The following CREBL2 variants were observed in gnomAD, a reference collection of about 807,000 sequenced individuals.
CREBL2 encodes the protein cAMP-responsive element-binding protein-like 2.
Under a neutral mutation model 19.5 loss-of-function variants are expected in CREBL2, and 4 were observed. The observed-to-expected ratio is 0.20, with a 90% confidence interval of 0.10 to 0.47. CREBL2 has a LOEUF of 0.47. Among genes scored for constraint, CREBL2 ranks in the 20% least tolerant of loss-of-function variants. The probability of loss-of-function intolerance (pLI) is 0.98; values close to 1 mark genes in which losing one functional copy is unlikely to be tolerated. For missense variants in CREBL2, 85 were observed against 145.1 expected, an observed-to-expected ratio of 0.59 and a Z score of 2.13; for synonymous variants, 42 against 46.6, an observed-to-expected ratio of 0.90 and a Z score of 0.40.
At position 12,642,928 on chromosome 12, in the gene CREBL2, T is replaced by C. The variant is rs962896426; in HGVS notation, c.*930T>C. The C allele has an allele frequency of 3.5e-4, 53 of 152,672 alleles. 1 individual carries two copies. The highest frequency in any genetic ancestry group is 2.9e-5 in the Non-Finnish European group (2 of 68,044). The allele number at this position is 152,672 out of a possible 1,614,324, so 9.5% of individuals were successfully genotyped here. ...TTGCGTACTCAACTAAATTGGAGAA[T>C]GTTTCTGAAGAAAATTGGATGAAAT... On this transcript the variant is annotated 3_prime_UTR_variant, in exon 4 of 4. Transcript: ENST00000228865.
chr12:12,611,970 C>T lies in CREBL2; in HGVS notation c.-203C>T, dbSNP rs1945269900. On this transcript the variant is annotated 5_prime_UTR_variant, in exon 1 of 4. Transcript: ENST00000228865. ...GGCGGCGAAGGGAGGCGTTTGGGGC[C>T]GCCTCCAGGGTCCGCTCTGCCATTC... is the stretch of plus-strand genomic sequence containing the variant. 1.6e-6 allele frequency: 1 copy of T among 611,576 alleles called. No individual in the cohort carries two copies. Among genetic ancestry groups the T allele is most frequent in the South Asian group, 2.0e-5 (1 of 49,374 alleles). The allele number at this position is 611,576 out of a possible 1,614,324, so 37.9% of individuals were successfully genotyped here. A position where few individuals can be genotyped will look rare whatever the true frequency, so the allele number is the denominator to read the frequency against.
chr12:12,613,119 C>G (rs35781769), intron 1 of CREBL2, among the ~76,000 whole-genome samples: 53,513 of 152,128 alleles, frequency 0.35, 9,667 homozygotes, highest in South Asian at 0.45. Flanking sequence ...GTCCGCTCGC[C>G]TCGGCCTCCC....
At chr12:12,637,772 G>A (rs1283505146) in intron 3 of CREBL2, 58 bp downstream of exon 3, 5 of 1,512,364 alleles carry the variant, frequency 3.3e-6, no homozygotes, top group Non-Finnish European at 4.4e-6. Context: ...TGGGCGCAGT[G>A]GCTCATGACT....
intron 1 of CREBL2, among the ~76,000 whole-genome samples, chr12:12,623,307 G>A (rs1945375171): frequency 6.6e-6 from 1 of 151,842 alleles, no homozygotes; most frequent in Non-Finnish European, 1.5e-5. Flanking sequence ...TGCTTGAGGA[G>A]CTCAGACTAC....
intron 1 of CREBL2, among the ~76,000 whole-genome samples, chr12:12,633,185 C>G (rs1232685759): frequency 6.6e-6 from 1 of 152,134 alleles, no homozygotes; most frequent in African/African-American, 2.4e-5. Flanking sequence ...GATCCACCTG[C>G]CTCAGCCTCC....
At chr12:12,627,672 G>C (rs1012156891) in intron 1 of CREBL2, among the ~76,000 whole-genome samples, 4 of 152,134 alleles carry the variant, frequency 2.6e-5, no homozygotes, top group African/African-American at 9.7e-5. Context: ...CATGAGTAAT[G>C]GTGCTGTGAA....
At chr12:12,640,957 GCA>G (rs1199062244) in intron 3 of CREBL2, among the ~76,000 whole-genome samples, 1 of 151,980 alleles carries the variant, frequency 6.6e-6, no homozygotes, top group Admixed American at 6.5e-5. Context: ...ATTGCCAAAT[GCA>G]CAGTTATGAA....
chr12:12,641,253 A>ATTTTTTTTTTTTTTTTTTTTTTTTTTT (rs142404101), intron 3 of CREBL2, among the ~76,000 whole-genome samples: 4 of 78,260 alleles, frequency 5.1e-5, no homozygotes, highest in Non-Finnish European at 1.0e-4. Context: ...TATTATTATT[A>ATTTTTTTTTTTTTTTTTTTTTTTTTTT]TTTTTTTTTA....
chr12:12,612,111 C>A lies in CREBL2; in HGVS notation c.-62C>A. On this transcript the variant is annotated 5_prime_UTR_variant, in exon 1 of 4. Transcript: ENST00000228865. ...TCCTCGGGGCGGGGGCCGGGCCAGGCCGGCTGAGCCGGGGGAGGGCTCCGG... is the reference window on the plus strand; with the variant it reads ...TCCTCGGGGCGGGGGCCGGGCCAGGACGGCTGAGCCGGGGGAGGGCTCCGG... 1 of 1,599,164 alleles carries A rather than the reference C, an allele frequency of 6.3e-7. No homozygotes were observed.
At position 12,632,068 on chromosome 12, in the gene CREBL2, C is replaced by CTTTTT. The variant is rs869253910; in HGVS notation, c.16-3686_16-3682dup. ...CCTTGGATTCATATACTATGCCTTT[C>CTTTTT]TTTTTTTTTTTTTTTTTTTTTTTTT... is the stretch of plus-strand genomic sequence containing the variant. On this transcript the variant is annotated intron_variant, in intron 1 of 3. Transcript: ENST00000228865. 8.3e-4 allele frequency among the ~76,000 whole-genome samples: 67 copies of CTTTTT among 80,626 alleles called. 8 individuals are homozygous for CTTTTT. Among genetic ancestry groups the CTTTTT allele is most frequent in the East Asian group, 7.4e-3 (17 of 2,282 alleles). 52.9% of individuals were successfully genotyped at this position (80,626 alleles called of 152,430 possible).
chr12:12,617,520 C>A (rs10845592), intron 1 of CREBL2, among the ~76,000 whole-genome samples: 2 of 151,914 alleles, frequency 1.3e-5, no homozygotes, highest in Non-Finnish European at 2.9e-5. Flanking sequence ...ATTTAAAGCT[C>A]TAGTACAGAC....
intron 1 of CREBL2, among the ~76,000 whole-genome samples, chr12:12,629,784 A>G (rs753369830): frequency 6.6e-6 from 1 of 151,984 alleles, no homozygotes; most frequent in Non-Finnish European, 1.5e-5. Context: ...GTTTCCTCCT[A>G]TTTCTAGGTT....
intron 1 of CREBL2, among the ~76,000 whole-genome samples, chr12:12,624,832 A>G (rs1945388066): frequency 6.6e-6 from 1 of 152,218 alleles, no homozygotes; most frequent in Non-Finnish European, 1.5e-5. Flanking sequence ...GCTCTTATCC[A>G]GCGTCCAGGT....
chr12:12,637,830 C>A, intron 3 of CREBL2, 116 bp downstream of exon 3: 2 of 1,180,716 alleles, frequency 1.7e-6, no homozygotes, highest in South Asian at 2.2e-5. Context: ...CGCTTGAGCC[C>A]AGGAGTTCAA....
intron 1 of CREBL2, 137 bp from the exon 2 acceptor site, chr12:12,635,640 G>A: frequency 1.1e-6 from 1 of 939,904 alleles, no homozygotes; most frequent in Non-Finnish European, 1.5e-6. Context: ...GGCATTTGAT[G>A]GGATTATGCT....
At chr12:12,634,696 TAC>T (rs1945461711) in intron 1 of CREBL2, among the ~76,000 whole-genome samples, 2 of 152,206 alleles carry the variant, frequency 1.3e-5, no homozygotes, top group South Asian at 2.1e-4. Context: ...ATAATGAACT[TAC>T]AGTTTTGAAT....
At position 12,612,038 on chromosome 12, in the gene CREBL2, C is replaced by T. The variant is rs1312983196; in HGVS notation, c.-135C>T. The T allele has an allele frequency of 5.6e-6, 6 of 1,062,058 alleles. No homozygotes were observed. Among genetic ancestry groups the T allele is most frequent in the African/African-American group, 1.6e-5 (1 of 64,084 alleles). The allele number at this position is 1,062,058 out of a possible 1,614,324, so 65.8% of individuals were successfully genotyped here. A position where few individuals can be genotyped will look rare whatever the true frequency, so the allele number is the denominator to read the frequency against. ...CCCCGTGACTCTGGCATCAGGGAAG[C>T]GAACTGTTAGGCGAGAGGAGGAGGC... On this transcript the variant is annotated 5_prime_UTR_variant, in exon 1 of 4. Transcript: ENST00000228865.
chr12:12,624,533 ATGAG>A (rs1234147247), intron 1 of CREBL2, among the ~76,000 whole-genome samples: 1 of 152,176 alleles, frequency 6.6e-6, no homozygotes, highest in African/African-American at 2.4e-5. Flanking sequence ...ATGTGAGCAA[ATGAG>A]TGAGGGAACT....
chr12:12,619,974 G>T (rs1945347747), intron 1 of CREBL2, among the ~76,000 whole-genome samples: 1 of 152,148 alleles, frequency 6.6e-6, no homozygotes, highest in Non-Finnish European at 1.5e-5. Context: ...CCAGTTCTGA[G>T]TAGTTCTGGT....
Sources: allele counts gnomAD v4.1 joint callset (sites outside exome capture counted in the v4.1 genomes callset), GRCh38; gene constraint gnomAD v4.1.1; transcripts MANE v1.5; gene names NCBI Gene and HGNC (gene_info 2026-07-23, HGNC 2026-07-21).